The following VPS13D variants were observed in gnomAD, a reference collection of about 807,000 sequenced individuals.
The protein encoded by VPS13D is vacuolar protein sorting 13 homolog D, also known as intermembrane lipid transfer protein VPS13D.
Under a neutral mutation model 461.9 loss-of-function variants are expected in VPS13D, and 187 were observed. The observed-to-expected ratio is 0.40, with a 90% CI of 0.36 to 0.46. VPS13D has a LOEUF of 0.46. Ranked by LOEUF, VPS13D falls within the 20% of genes least tolerant of loss-of-function variation. The probability of loss-of-function intolerance (pLI) is 0.60; values close to 1 mark genes in which losing one functional copy is unlikely to be tolerated. For missense variants in VPS13D, 4,711 were observed against 5,364.9 expected (o/e 0.88, Z 3.81); for synonymous variants, 1,951 against 1,986.3 (o/e 0.98, Z 0.47).
At chr1:12,508,828 G>A in intron 69 of VPS13D, 65 bp from the exon 70 acceptor site, 1 of 1,580,658 alleles carries the variant, frequency 6.3e-7, no homozygotes, top group Non-Finnish European at 8.6e-7. Context: ...CCGCCACCTG[G>A]GTGGATCTGA....
At chr1:12,415,276 G>T in intron 64 of VPS13D, 55 bp downstream of exon 64, 1 of 1,610,366 alleles carries the variant, frequency 6.2e-7, no homozygotes, top group Admixed American at 1.7e-5. Flanking sequence ...GTTTGTTTTA[G>T]TTGTTTGGGA....
Position 12,363,184 on chromosome 1 carries a change from C to G in VPS13D, c.10385C>G (p.Pro3462Arg), listed in dbSNP as rs1260641705. The change falls in exon 52 of 70, where the codon CCC becomes CGC. Residue 3462 changes from proline (P) to arginine (R), a missense_variant. Physicochemically the swap from Pro to Arg is moderately radical, Grantham distance 103. Coordinates refer to ENST00000620676, the MANE Select transcript of VPS13D (RefSeq NM_015378.4). ...TTGTGTGTCAGACTGATGGACGTTCCCAATTGTATTTGGTCTGGAGGCTTT... is the reference window on the plus strand; with the variant it reads ...TTGTGTGTCAGACTGATGGACGTTCGCAATTGTATTTGGTCTGGAGGCTTT... Reference protein sequence around the residue: ...QLLCVRLMDVPNCIWSGGFEV... With the variant: ...QLLCVRLMDVRNCIWSGGFEV... 5.0e-6 allele frequency: 8 copies of G among 1,614,136 alleles called. No individual in the cohort carries two copies. Among genetic ancestry groups the G allele is most frequent in the Non-Finnish European group, 6.8e-6 (8 of 1,180,030 alleles).
rs746382722 is a variant in VPS13D at position 12,335,685 on chromosome 1, C to G, written c.8429-20C>G. The G allele has an allele frequency of 1.3e-6, 2 of 1,596,826 alleles. No homozygotes were observed. Among genetic ancestry groups the G allele is most frequent in the Non-Finnish European group, 1.7e-6 (2 of 1,171,194 alleles). On this transcript the variant is annotated intron_variant, in intron 38 of 69. Transcript: ENST00000620676. ...CCATCTTTTTTAGTTCTCTTAATATCTCTGGGGGATTCTTTCTAGACCAGT... is the reference window on the plus strand; with the variant it reads ...CCATCTTTTTTAGTTCTCTTAATATGTCTGGGGGATTCTTTCTAGACCAGT...
At chr1:12,348,798 T>C in intron 44 of VPS13D, 25 bp from the exon 45 acceptor site, 2 of 1,611,580 alleles carry the variant, frequency 1.2e-6, no homozygotes, top group Non-Finnish European at 1.7e-6. Context: ...AACATAACTA[T>C]TTTGTCTTTA....
intron 35 of VPS13D, among the ~76,000 whole-genome samples, chr1:12,324,942 C>T (rs560839187): frequency 6.6e-6 from 1 of 152,134 alleles, no homozygotes; most frequent in Non-Finnish European, 1.5e-5. Context: ...CATCTTAGTC[C>T]CCTACGATGG....
chr1:12,308,648 G>GTTTT lies in VPS13D; in HGVS notation c.6650+19_6650+22dup, dbSNP rs750147071. 22 of 1,453,868 alleles carry GTTTT rather than the reference G, an allele frequency of 1.5e-5. No individual in the cohort carries two copies. The highest frequency in any genetic ancestry group is 4.7e-5 in the East Asian group (2 of 42,156). The allele number at this position is 1,453,868 out of a possible 1,614,324, so 90.1% of individuals were successfully genotyped here. Reference sequence around the variant, plus strand: ...TGGAAAGGAATTTGGACAAGTGAGTGTTTTTTTTTTTTTTTGAGATGGAGT... The same window carrying GTTTT: ...TGGAAAGGAATTTGGACAAGTGAGTGTTTTTTTTTTTTTTTTTTTGAGATGGAGT... On this transcript the variant is annotated splice_region_variant and intron_variant, in intron 27 of 69. Transcript: ENST00000620676.
intron 15 of VPS13D, 29 bp downstream of exon 15, chr1:12,267,949 AT>A (rs1641322809): frequency 3.8e-6 from 6 of 1,561,346 alleles, no homozygotes; most frequent in African/African-American, 1.4e-5. Flanking sequence ...TTTTTTTAAA[AT>A]TTTTAAATTT....
intron 66 of VPS13D, among the ~76,000 whole-genome samples, chr1:12,456,952 A>C (rs1010212621): frequency 6.6e-6 from 1 of 152,206 alleles, no homozygotes; most frequent in African/African-American, 2.4e-5. Context: ...TGAAATGAGG[A>C]ATTTGTGGCC....
intron 67 of VPS13D, among the ~76,000 whole-genome samples, chr1:12,466,566 CTGATA>C (rs1012735343): frequency 1.3e-5 from 2 of 152,186 alleles, no homozygotes; most frequent in Non-Finnish European, 2.9e-5. Flanking sequence ...TCAGAAAGAT[CTGATA>C]TGTTATCCTG....
Position 12,249,207 on chromosome 1 carries a change from T to A in VPS13D, c.448-16T>A, listed in dbSNP as rs1170330201. The stretch of plus-strand genomic sequence containing the variant: ...CTGCAGGTGCATCAGCTGCTTTTTC[T>A]TTTTTCTCTTTGCAGTTAAAAATTC... On this transcript the variant is annotated splice_polypyrimidine_tract_variant and intron_variant, in intron 5 of 69. Coordinates refer to ENST00000620676, the MANE Select transcript of VPS13D (RefSeq NM_015378.4). 2 of 1,595,474 alleles carry A rather than the reference T, an allele frequency of 1.3e-6. No homozygotes were observed. The highest frequency in any genetic ancestry group is 2.7e-5 in the African/African-American group (2 of 74,224).
intron 36 of VPS13D, 80 bp from the exon 37 acceptor site, chr1:12,329,749 T>C: frequency 1.0e-6 from 1 of 984,958 alleles, no homozygotes; most frequent in Non-Finnish European, 1.6e-6. Context: ...TTAGCTCTAA[T>C]GTTTCTTTAA....
chr1:12,334,799 G>A (rs959459139), intron 38 of VPS13D, among the ~76,000 whole-genome samples: 1 of 151,982 alleles, frequency 6.6e-6, no homozygotes, highest in African/African-American at 2.4e-5. Context: ...CTTCCAAAAG[G>A]CATTCTCGTC....
At chr1:12,413,266 G>A (rs1407664726) in intron 63 of VPS13D, among the ~76,000 whole-genome samples, 1 of 151,764 alleles carries the variant, frequency 6.6e-6, no homozygotes, top group African/African-American at 2.4e-5. Flanking sequence ...TGAGATGGGT[G>A]GATCACTTGA....
At position 12,377,216 on chromosome 1, in the gene VPS13D, C is replaced by G. The variant is rs142644533; in HGVS notation, c.10918-1212C>G. 5.6e-3 allele frequency among the ~76,000 whole-genome samples: 852 copies of G among 151,886 alleles called. 7 individuals are homozygous for G. The highest frequency in any genetic ancestry group is 0.019 in the African/African-American group (775 of 41,454). On this transcript the variant is annotated intron_variant, in intron 55 of 69. Coordinates refer to ENST00000620676, the MANE Select transcript of VPS13D (RefSeq NM_015378.4). Reference sequence around the variant, plus strand: ...CTGGGATTACAGGCATGCGCCACCACGCCCAGCTAATTTTTGTATTTTTAG... The same window carrying G: ...CTGGGATTACAGGCATGCGCCACCAGGCCCAGCTAATTTTTGTATTTTTAG...
rs1451243976 is a variant in VPS13D, at chr1:12,289,960, T to G, written c.5726-1038T>G. The stretch of plus-strand genomic sequence containing the variant: ...CAAAAAATAAAAAAAAAAATTGTGT[T>G]TTCAATTCATTGGGAGCTGAACTAG... On this transcript the variant is annotated intron_variant, in intron 22 of 69. Coordinates refer to ENST00000620676, the MANE Select transcript of VPS13D (RefSeq NM_015378.4). 2.6e-5 allele frequency among the ~76,000 whole-genome samples: 4 copies of G among 152,156 alleles called. 1 individual carries two copies. The highest frequency in any genetic ancestry group is 1.3e-4 in the Admixed American group (2 of 15,274).
At chr1:12,241,383 A>G (rs529647044) in intron 2 of VPS13D, among the ~76,000 whole-genome samples, 9 of 152,198 alleles carry the variant, frequency 5.9e-5, no homozygotes, top group Non-Finnish European at 1.3e-4. Context: ...TGTTGTCTGT[A>G]CTCCGTGTTC....
chr1:12,336,803 G>A (rs1643461109), intron 39 of VPS13D: 1 of 152,184 alleles, frequency 6.6e-6, no homozygotes, highest in Non-Finnish European at 1.5e-5. Flanking sequence ...TTCAGATATT[G>A]TCAGCTTTGA....
intron 67 of VPS13D, among the ~76,000 whole-genome samples, chr1:12,475,881 CAAT>C (rs1645624617): frequency 6.7e-6 from 1 of 148,524 alleles, no homozygotes; most frequent in African/African-American, 2.5e-5. Flanking sequence ...GCCAAGAAAT[CAAT>C]GTTTAAAAAA....
In VPS13D at chr1:12,273,102, G is replaced by A. The variant is rs1260560192; in HGVS notation, c.2203G>A (p.Asp735Asn). 1 of 1,614,094 alleles carries A rather than the reference G, an allele frequency of 6.2e-7. No homozygotes were observed. The highest frequency in any genetic ancestry group is 8.5e-7 in the Non-Finnish European group (1 of 1,179,994). Residue 735 changes from aspartate (D) to asparagine (N), a missense_variant, in exon 18 of 70, where the codon GAT becomes AAT. Around this residue, in one of 3 missense-constraint regions of VPS13D, gnomAD observed 4,411 missense variants for 4,937.8 expected, o/e 0.89. Coordinates refer to ENST00000620676, the MANE Select transcript of VPS13D (RefSeq NM_015378.4). ...KFKNPVLVVV[D>N]LGRMLLTNTQ... ...CAAGAATCCTGTGTTAGTTGTCGTG[G>A]ATCTAGGAAGAATGCTTTTGACGAA... is the stretch of plus-strand genomic sequence containing the variant.
Sources: gnomAD v4.1 joint callset for allele counts (sites outside exome capture counted in the v4.1 genomes callset) on GRCh38, gnomAD v4.1.1 for gene constraint, gnomAD v4.1.1 regional missense constraint, MANE v1.5 for transcripts, NCBI Gene and HGNC (gene_info 2026-07-23, HGNC 2026-07-21) for gene names.